SRGAP1: variants seen among roughly 807,000 people sequenced by gnomAD.
The protein encoded by SRGAP1 is SLIT-ROBO Rho GTPase-activating protein 1.
In SRGAP1, 43 loss-of-function variants were observed where a neutral mutation model predicts 121.9. The observed-to-expected ratio is 0.35, with a 90% CI of 0.28 to 0.46. The LOEUF (loss-of-function observed/expected upper bound fraction) is 0.46. Among genes scored for constraint, SRGAP1 ranks in the 20% least tolerant of loss-of-function variants. The pLI is 1.00. For synonymous variants in SRGAP1, 447 were observed against 485.4 expected (o/e 0.92, Z 1.04); for missense variants, 1,102 against 1,350.9 (o/e 0.82, Z 2.89).
intron 18 of SRGAP1, among the ~76,000 whole-genome samples, chr12:64,117,192 G>C: frequency 6.6e-6 from 1 of 152,198 alleles, no homozygotes; most frequent in Admixed American, 6.5e-5. Flanking sequence ...AACCCTAGAG[G>C]GACTGTCCCT....
rs774205393 is a variant in SRGAP1 at position 64,111,783 on chromosome 12, G to A, written c.1941G>A (p.Glu647=). The A allele has an allele frequency of 1.2e-6, 2 of 1,613,496 alleles. No individual in the cohort carries two copies. The highest frequency in any genetic ancestry group is 1.1e-5 in the South Asian group (1 of 91,020). Residue 647 remains glutamate, a synonymous_variant, in exon 17 of 22, where the codon GAG becomes GAA. Coordinates refer to ENST00000355086, the MANE Select transcript of SRGAP1 (RefSeq NM_020762.4). ...GTAGTCTATCACAGTACAGCGATGAGAATATGATGGACCCTTATAACCTGG... is the reference window on the plus strand; with the variant it reads ...GTAGTCTATCACAGTACAGCGATGAAAATATGATGGACCCTTATAACCTGG... ...FLNHLSQYSD[E]NMMDPYNLAI... is the part of the protein sequence containing the mutation.
chr12:64,030,735 G>C (rs7957760), intron 4 of SRGAP1, among the ~76,000 whole-genome samples: 1 of 152,174 alleles, frequency 6.6e-6, no homozygotes, highest in Non-Finnish European at 1.5e-5. Context: ...CTGATTGATC[G>C]ATAATCAGTT....
At chr12:63,936,814 A>C (rs7961633) in intron 1 of SRGAP1, among the ~76,000 whole-genome samples, 3,469 of 152,312 alleles carry the variant, frequency 0.023, 116 homozygotes, top group African/African-American at 0.078. Context: ...TTTGATCTGA[A>C]CAACAATTCT....
chr12:64,126,147 G>A lies in SRGAP1; in HGVS notation c.2395G>A (p.Val799Met), dbSNP rs1286373254. ...GCTGGTGCCTCACCAGTATATAGTG[G>A]TGCAGGATATGTGAGTAGTCTCAAC... ...DGLVPHQYIV[V>M]QDMDDTFSDT... Residue 799 changes from valine to methionine, a missense_variant, in exon 19 of 22, where the codon GTG becomes ATG. Coordinates refer to ENST00000355086, the MANE Select transcript of SRGAP1 (RefSeq NM_020762.4). The A allele has an allele frequency of 1.2e-6, 2 of 1,613,406 alleles. No individual in the cohort carries two copies. Among genetic ancestry groups the A allele is most frequent in the Middle Eastern group, 1.7e-4 (1 of 6,056 alleles).
At chr12:63,871,936 C>T (rs925288939) in intron 1 of SRGAP1, 272 of 1,245,428 alleles carry the variant, frequency 2.2e-4, no homozygotes, top group Non-Finnish European at 2.9e-4. Context: ...TGCTTCTGAT[C>T]ATAGCACCTC....
At chr12:63,885,620 C>G (rs996943284) in intron 1 of SRGAP1, among the ~76,000 whole-genome samples, 1 of 152,204 alleles carries the variant, frequency 6.6e-6, no homozygotes, top group African/African-American at 2.4e-5. Context: ...AGCATTCTTT[C>G]CTTGAAGGTA....
intron 1 of SRGAP1, among the ~76,000 whole-genome samples, chr12:63,908,378 A>G (rs543229358): frequency 2.0e-5 from 3 of 152,090 alleles, no homozygotes; most frequent in African/African-American, 7.2e-5. Flanking sequence ...ATCTTCTTTA[A>G]TATTTTTCAA....
At chr12:64,081,919 A>T (rs140977504) in intron 10 of SRGAP1, 352 of 151,566 alleles carry the variant, frequency 2.3e-3, no homozygotes, top group African/African-American at 8.0e-3. Flanking sequence ...TTAAAAAAAA[A>T]AAAAAGTCTT....
intron 1 of SRGAP1, among the ~76,000 whole-genome samples, chr12:63,937,544 G>T: frequency 6.6e-6 from 1 of 152,152 alleles, no homozygotes; most frequent in African/African-American, 2.4e-5. Flanking sequence ...GCCCCATATG[G>T]TAGATTAATT....
At chr12:64,015,141 C>T (rs1371773887) in intron 3 of SRGAP1, among the ~76,000 whole-genome samples, 1 of 152,126 alleles carries the variant, frequency 6.6e-6, no homozygotes, top group East Asian at 1.9e-4. Flanking sequence ...GACTTGCTAC[C>T]TGAAACGTGG....
chr12:63,984,225 AT>A, intron 2 of SRGAP1, 83 bp downstream of exon 2: 2 of 778,980 alleles, frequency 2.6e-6, no homozygotes, highest in Non-Finnish European at 3.7e-6. Flanking sequence ...TTATTTTTCT[AT>A]TTTTGTCTGA....
At position 64,151,210 on chromosome 12, in the gene SRGAP1, A is replaced by G. The variant is rs748204629; in HGVS notation, c.*8538A>G. ...GAACATCTTAGTATATTGTCTTCTA[A>G]TCCTTACATTATGTTATTTTTAAGC... On this transcript the variant is annotated 3_prime_UTR_variant, in exon 22 of 22. Coordinates refer to ENST00000355086, the MANE Select transcript of SRGAP1 (RefSeq NM_020762.4). 1 of 152,148 alleles carries G rather than the reference A, an allele frequency of 6.6e-6. No homozygotes were observed. Among genetic ancestry groups the G allele is most frequent in the Non-Finnish European group, 1.5e-5 (1 of 68,026 alleles). The allele number at this position is 152,148 out of a possible 1,614,324, so 9.4% of individuals were successfully genotyped here.
intron 1 of SRGAP1, among the ~76,000 whole-genome samples, chr12:63,881,899 C>T (rs915567093): frequency 1.3e-5 from 2 of 151,936 alleles, no homozygotes; most frequent in Admixed American, 6.6e-5. Flanking sequence ...ATATACAGCT[C>T]ATTAAAATAA....
chr12:63,949,209 AT>A (rs971687542), intron 1 of SRGAP1, among the ~76,000 whole-genome samples: 1 of 120,554 alleles, frequency 8.3e-6, no homozygotes, highest in Non-Finnish European at 1.7e-5. Context: ...ATATATATAT[AT>A]TTTTTCCATA....
intron 1 of SRGAP1, among the ~76,000 whole-genome samples, chr12:63,910,046 T>C (rs1398316849): frequency 6.6e-6 from 1 of 152,250 alleles, no homozygotes; most frequent in Admixed American, 6.5e-5. Flanking sequence ...CTGGATACAG[T>C]AGACTAGCTG....
At position 63,977,705 on chromosome 12, in the gene SRGAP1, T is replaced by A. The variant is rs571095371; in HGVS notation, c.68-6242T>A. ...TTTTTAACAAATTAATTGCAGCAGTTTGAAAAGCACACTCATTTTGTGCAT... is the reference window on the plus strand; with the variant it reads ...TTTTTAACAAATTAATTGCAGCAGTATGAAAAGCACACTCATTTTGTGCAT... On this transcript the variant is annotated intron_variant, in intron 1 of 21. Transcript: ENST00000355086. Among the ~76,000 whole-genome samples, 4 of 152,296 alleles carry A rather than the reference T, an allele frequency of 2.6e-5. No homozygotes were observed. In the East Asian group the frequency reaches 5.8e-4, roughly 22 times the overall value.
intron 21 of SRGAP1, among the ~76,000 whole-genome samples, chr12:64,140,823 G>A (rs1438788880): frequency 3.0e-5 from 4 of 131,614 alleles, no homozygotes; most frequent in South Asian, 5.9e-4. Context: ...ACATGCACAC[G>A]TATGTTTATT....
At chr12:64,136,708 A>G (rs1367552066) in intron 21 of SRGAP1, among the ~76,000 whole-genome samples, 1 of 152,230 alleles carries the variant, frequency 6.6e-6, no homozygotes, top group Non-Finnish European at 1.5e-5. Flanking sequence ...CTTCTCAGCA[A>G]AAATCAAAAA....
intron 3 of SRGAP1, among the ~76,000 whole-genome samples, chr12:63,997,128 GGTAA>G (rs1392438273): frequency 1.3e-5 from 2 of 152,002 alleles, no homozygotes; most frequent in African/African-American, 4.8e-5. Context: ...GTAACACAAT[GGTAA>G]GTATTTGAGT....
Sources: gnomAD v4.1 joint callset for allele counts (sites outside exome capture counted in the v4.1 genomes callset) on GRCh38, gnomAD v4.1.1 for gene constraint, MANE v1.5 for transcripts, NCBI Gene and HGNC (gene_info 2026-07-23, HGNC 2026-07-21) for gene names.